Variants in BROX observed in about 807,000 individuals in gnomAD.
BROX encodes BRO1 domain and CAAX motif containing, also known as BRO1 domain-containing protein BROX.
A neutral mutation model predicts 61.0 loss-of-function variants in BROX; 53 were observed. That is an observed-to-expected ratio of 0.87 (90% CI 0.70 to 1.09). The LOEUF (loss-of-function observed/expected upper bound fraction) is 1.09, where lower values mean the gene tolerates loss of function less well. Among genes scored for constraint, BROX ranks in the 50% least tolerant of loss-of-function variants. BROX has a pLI of 0.00. For missense variants in BROX, 489 were observed against 472.0 expected, an observed-to-expected ratio of 1.04 and a Z score of -0.33; for synonymous variants, 152 against 160.2, an observed-to-expected ratio of 0.95 and a Z score of 0.38.
At chr1:222,715,097 C>T (rs934999249) in intron 1 of BROX, 1 of 152,186 alleles carries the variant, frequency 6.6e-6, no homozygotes, top group East Asian at 1.9e-4. Flanking sequence ...CATTTGAACC[C>T]GTTTTGGAAA....
At chr1:222,732,253 G>C (rs570827688) in intron 12 of BROX, among the ~76,000 whole-genome samples, 1 of 151,970 alleles carries the variant, frequency 6.6e-6, no homozygotes, top group African/African-American at 2.4e-5. Context: ...TAGGGTACAT[G>C]TGCACAATGT....
chr1:222,728,026 A>G (rs748721574), intron 8 of BROX, among the ~76,000 whole-genome samples: 8 of 152,168 alleles, frequency 5.3e-5, no homozygotes, highest in Non-Finnish European at 8.8e-5. Context: ...AGTTTGAAAA[A>G]GTATGCATGC....
chr1:222,728,609 T>TA (rs542171399), intron 8 of BROX, 134 bp from the exon 9 acceptor site: 131 of 499,184 alleles, frequency 2.6e-4, no homozygotes, highest in South Asian at 6.1e-4. Context: ...AAGGTGTTTT[T>TA]AAAAAAAAAT....
chr1:222,725,139 A>G (rs903366750), intron 6 of BROX, among the ~76,000 whole-genome samples: 4 of 152,142 alleles, frequency 2.6e-5, no homozygotes, highest in African/African-American at 9.7e-5. Flanking sequence ...CTATCCCGCA[A>G]AAGGAATTTT....
chr1:222,719,074 T>G (rs772880582), intron 3 of BROX, 43 bp downstream of exon 3: 1 of 1,511,884 alleles, frequency 6.6e-7, no homozygotes, highest in East Asian at 2.3e-5. Context: ...AAAAACTGTC[T>G]AAAAGTTTAC....
intron 11 of BROX, among the ~76,000 whole-genome samples, chr1:222,730,991 ATCTC>A (rs1345268391): frequency 6.6e-6 from 1 of 151,966 alleles, no homozygotes; most frequent in African/African-American, 2.4e-5. Flanking sequence ...GGTAGACTCA[ATCTC>A]CTTCCTGCTT....
chr1:222,730,408 C>T lies in BROX; in HGVS notation c.989+231C>T, dbSNP rs368737088. On this transcript the variant is annotated intron_variant, in intron 11 of 12. Transcript: ENST00000340934. ...CCCAGGAGTTTGAGACCAGCCTGGGCAACATGGCAAAAACCTGTCTCTACA... is the reference window on the plus strand; with the variant it reads ...CCCAGGAGTTTGAGACCAGCCTGGGTAACATGGCAAAAACCTGTCTCTACA... Among the ~76,000 whole-genome samples the T allele has an allele frequency of 7.9e-5, 12 of 152,050 alleles. No homozygotes were observed. The East Asian group carries it at 2.1e-3, about 27-fold the overall frequency.
chr1:222,713,542 C>T (rs1056084386), intron 1 of BROX: 23 of 682,152 alleles, frequency 3.4e-5, no homozygotes, highest in Admixed American at 6.3e-5. Flanking sequence ...TCTAAAGGCA[C>T]CCTTGTCCCT....
chr1:222,714,423 C>T (rs1656386961), intron 1 of BROX, among the ~76,000 whole-genome samples: 1 of 151,158 alleles, frequency 6.6e-6, no homozygotes, highest in Admixed American at 6.6e-5. Context: ...TGGTCTCGAT[C>T]TCCTGACCTT....
chr1:222,732,867 A>G lies in BROX; in HGVS notation c.*153A>G. 1.6e-6 allele frequency: 1 copy of G among 609,162 alleles called. No homozygotes were observed. Among genetic ancestry groups the G allele is most frequent in the Non-Finnish European group, 2.8e-6 (1 of 353,592 alleles). The allele number at this position is 609,162 out of a possible 1,614,324, so 37.7% of individuals were successfully genotyped here. Reference sequence around the variant, plus strand: ...TTCAGCTTACTTGTTCTTAATTTTTAATACAGCGGAGATGTTTCTTGCTTT... The same window carrying G: ...TTCAGCTTACTTGTTCTTAATTTTTGATACAGCGGAGATGTTTCTTGCTTT... On this transcript the variant is annotated 3_prime_UTR_variant, in exon 13 of 13. Coordinates refer to ENST00000340934, the MANE Select transcript of BROX (RefSeq NM_144695.4).
intron 7 of BROX, among the ~76,000 whole-genome samples, chr1:222,726,046 T>C (rs1269678580): frequency 6.6e-6 from 1 of 152,240 alleles, no homozygotes. Flanking sequence ...GGCCTTACAG[T>C]TTAATGGCTC....
chr1:222,712,775 C>G lies in BROX; in HGVS notation c.-184C>G, dbSNP rs913039520. On this transcript the variant is annotated 5_prime_UTR_variant, in exon 1 of 13. Transcript: ENST00000340934. ...GCTGCGCGCACTACCGCCTCGGTAGCTATCATGGCCGCCGGGTCACGTGAC... is the reference window on the plus strand; with the variant it reads ...GCTGCGCGCACTACCGCCTCGGTAGGTATCATGGCCGCCGGGTCACGTGAC... 3.1e-5 allele frequency: 40 copies of G among 1,289,614 alleles called. No individual in the cohort carries two copies. The highest frequency in any genetic ancestry group is 4.0e-5 in the Non-Finnish European group (40 of 989,092). 79.9% of individuals were successfully genotyped at this position (1,289,614 alleles called of 1,614,324 possible). A position where few individuals can be genotyped will look rare whatever the true frequency, so the allele number is the denominator to read the frequency against.
intron 11 of BROX, among the ~76,000 whole-genome samples, chr1:222,730,805 C>G (rs1657878108): frequency 6.6e-6 from 1 of 152,118 alleles, no homozygotes; most frequent in African/African-American, 2.4e-5. Context: ...CATTCTTCCT[C>G]CATATGTTTT....
At chr1:222,731,033 T>A (rs1657896375) in intron 11 of BROX, among the ~76,000 whole-genome samples, 2 of 152,212 alleles carry the variant, frequency 1.3e-5, no homozygotes, top group South Asian at 4.1e-4. Context: ...TCCCCTTATA[T>A]TCTTCATCTA....
At position 222,731,872 on chromosome 1, in the gene BROX, T is replaced by G. The variant is rs1657963655; in HGVS notation, c.1149+356T>G. 2.6e-5 allele frequency among the ~76,000 whole-genome samples: 4 copies of G among 152,246 alleles called. No homozygotes were observed. In the South Asian group the frequency reaches 6.2e-4, roughly 24 times the overall value. On this transcript the variant is annotated intron_variant, in intron 12 of 12. Coordinates refer to ENST00000340934, the MANE Select transcript of BROX (RefSeq NM_144695.4). ...AGCAAATTGCAGAGCATTTGCAGAT[T>G]TGGCCTAATTTCAGTATTCTGTGAA... is the stretch of plus-strand genomic sequence containing the variant.
chr1:222,712,975 A>G, intron 1 of BROX, 33 bp downstream of exon 1: 4 of 1,177,548 alleles, frequency 3.4e-6, no homozygotes, highest in Non-Finnish European at 4.3e-6. Flanking sequence ...GTTTCTCAGT[A>G]ATATCCCCCG....
At chr1:222,713,447 G>C in intron 1 of BROX, 1 of 985,282 alleles carries the variant, frequency 1.0e-6, no homozygotes, top group Non-Finnish European at 1.2e-6. Flanking sequence ...GGGGCTTCCG[G>C]GGTGGGGGTC....
rs1656838542 is a variant in BROX, at chr1:222,718,867, T to C, written c.102-58T>C. 7.1e-6 allele frequency: 10 copies of C among 1,400,446 alleles called. No homozygotes were observed. In the South Asian group the frequency reaches 1.1e-4, roughly 15 times the overall value. The allele number at this position is 1,400,446 out of a possible 1,614,324, so 86.8% of individuals were successfully genotyped here. A position where few individuals can be genotyped will look rare whatever the true frequency, so the allele number is the denominator to read the frequency against. ...TTTACATTGAAACCTGGAAGCCACTTTTATGTAGATTGATTGCAGTACAGC... is the reference window on the plus strand; with the variant it reads ...TTTACATTGAAACCTGGAAGCCACTCTTATGTAGATTGATTGCAGTACAGC... On this transcript the variant is annotated intron_variant, in intron 2 of 12. Coordinates refer to ENST00000340934, the MANE Select transcript of BROX (RefSeq NM_144695.4).
intron 6 of BROX, 28 bp downstream of exon 6, chr1:222,724,192 T>C: frequency 6.5e-7 from 1 of 1,535,060 alleles, no homozygotes; most frequent in Non-Finnish European, 8.9e-7. Context: ...AAACCATTAT[T>C]TGTTCTTAAT....
Sources: gnomAD v4.1 joint callset for allele counts (sites outside exome capture counted in the v4.1 genomes callset) on GRCh38, gnomAD v4.1.1 for gene constraint, MANE v1.5 for transcripts, NCBI Gene and HGNC (gene_info 2026-07-23, HGNC 2026-07-21) for gene names.